The following RPS6KC1 variants were observed in gnomAD, a reference collection of about 807,000 sequenced individuals.
RPS6KC1 encodes inactive ribosomal protein S6 kinase delta-1.
RPS6KC1 carries 54 observed loss-of-function variants against 103.8 expected under a neutral mutation model. The ratio of observed to expected loss-of-function variants is 0.52; its 90% CI spans 0.42 to 0.65. The LOEUF (loss-of-function observed/expected upper bound fraction) is 0.65, where lower values mean the gene tolerates loss of function less well. RPS6KC1 is among the 30% of genes least tolerant of loss of function. The probability of loss-of-function intolerance (pLI) is 0.00; values close to 1 mark genes in which losing one functional copy is unlikely to be tolerated. For synonymous variants in RPS6KC1, 439 were observed against 438.7 expected, an observed-to-expected ratio of 1.00 and a Z score of -0.01; for missense variants, 1,151 against 1,253.8, an observed-to-expected ratio of 0.92 and a Z score of 1.24.
At chr1:213,516,512 G>C in the RPS6KC1 span, among the ~76,000 whole-genome samples, 1 of 152,188 alleles carries the variant, frequency 6.6e-6, no homozygotes, top group Admixed American at 6.5e-5. Flanking sequence ...CGTTGGTTCT[G>C]TTTATATGCT....
At chr1:213,657,546 C>T in the RPS6KC1 span, among the ~76,000 whole-genome samples, 4 of 151,930 alleles carry the variant, frequency 2.6e-5, no homozygotes, top group South Asian at 8.3e-4. Flanking sequence ...ACCAAAGAAA[C>T]TAAAGAAATA....
intron 7 of RPS6KC1, among the ~76,000 whole-genome samples, chr1:213,172,015 C>G (rs910444953): frequency 4.6e-5 from 7 of 152,150 alleles, no homozygotes; most frequent in African/African-American, 1.7e-4. Flanking sequence ...TGGTTACTCT[C>G]TCTCAGGTTA....
chr1:213,465,417 A>G, the RPS6KC1 span, among the ~76,000 whole-genome samples: 1 of 152,098 alleles, frequency 6.6e-6, no homozygotes, highest in Admixed American at 6.6e-5. Flanking sequence ...GGGCATACAC[A>G]TTTTCAGTTT....
At chr1:213,586,593 A>G in the RPS6KC1 span, among the ~76,000 whole-genome samples, 17 of 152,254 alleles carry the variant, frequency 1.1e-4, no homozygotes, top group Admixed American at 7.8e-4. Flanking sequence ...TAGCAAAGTG[A>G]AGAAAGAGAC....
chr1:213,406,422 C>T, the RPS6KC1 span, among the ~76,000 whole-genome samples: 1 of 151,580 alleles, frequency 6.6e-6, no homozygotes. Context: ...CTTTATAGAA[C>T]TGGGAGGATC....
At chr1:213,522,566 C>T in the RPS6KC1 span, among the ~76,000 whole-genome samples, 1 of 152,228 alleles carries the variant, frequency 6.6e-6, no homozygotes, top group Non-Finnish European at 1.5e-5. Context: ...CAATAGAAGG[C>T]TGTCTTATAT....
At chr1:213,550,305 C>T in the RPS6KC1 span, among the ~76,000 whole-genome samples, 5 of 152,298 alleles carry the variant, frequency 3.3e-5, no homozygotes, top group African/African-American at 1.2e-4. Context: ...ATTCTGAGAT[C>T]CTCTTTCCTC....
At chr1:213,360,745 G>A in the RPS6KC1 span, among the ~76,000 whole-genome samples, 9 of 152,280 alleles carry the variant, frequency 5.9e-5, no homozygotes, top group South Asian at 1.9e-3. Context: ...TGGTGTCGAT[G>A]TCCTTTCTGT....
the RPS6KC1 span, among the ~76,000 whole-genome samples, chr1:213,813,539 C>T: frequency 6.6e-6 from 1 of 152,122 alleles, no homozygotes; most frequent in African/African-American, 2.4e-5. Context: ...TAATGCAAGC[C>T]ACTCGTTTCA....
chr1:213,534,275 C>T, the RPS6KC1 span, among the ~76,000 whole-genome samples: 4,840 of 152,214 alleles, frequency 0.032, 243 homozygotes, highest in African/African-American at 0.11. Flanking sequence ...TTAAAAGATG[C>T]AAAATTTAAG....
chr1:213,749,465 G>A, the RPS6KC1 span, among the ~76,000 whole-genome samples: 1 of 152,144 alleles, frequency 6.6e-6, no homozygotes, highest in East Asian at 1.9e-4. Context: ...CAAAGACTGG[G>A]GCATACAACT....
the RPS6KC1 span, among the ~76,000 whole-genome samples, chr1:213,399,125 C>A: frequency 1.3e-5 from 2 of 152,352 alleles, no homozygotes; most frequent in South Asian, 4.1e-4. Flanking sequence ...CTTAATTCTT[C>A]ATTCATCCAA....
At chr1:213,573,995 C>G in the RPS6KC1 span, among the ~76,000 whole-genome samples, 1 of 152,186 alleles carries the variant, frequency 6.6e-6, no homozygotes, top group African/African-American at 2.4e-5. Context: ...GTGGCCAGTG[C>G]AAGCCCTGAC....
intron 8 of RPS6KC1, among the ~76,000 whole-genome samples, chr1:213,209,756 G>A (rs1390192252): frequency 1.3e-5 from 2 of 150,006 alleles, no homozygotes; most frequent in Non-Finnish European, 3.0e-5. Context: ...GGCAGAGTAG[G>A]AGCATGGGCT....
the RPS6KC1 span, among the ~76,000 whole-genome samples, chr1:213,585,993 T>TC: frequency 6.6e-6 from 1 of 151,974 alleles, no homozygotes; most frequent in Admixed American, 6.5e-5. Flanking sequence ...CCTATCCTGT[T>TC]CCCCCCAGAT....
chr1:213,479,531 A>G, the RPS6KC1 span, among the ~76,000 whole-genome samples: 1 of 151,946 alleles, frequency 6.6e-6, no homozygotes, highest in Non-Finnish European at 1.5e-5. Flanking sequence ...TCATTTGTTA[A>G]CTGCCTGTTT....
At chr1:213,642,811 CTT>C in the RPS6KC1 span, among the ~76,000 whole-genome samples, 1 of 151,790 alleles carries the variant, frequency 6.6e-6, no homozygotes, top group Non-Finnish European at 1.5e-5. Context: ...TTGTAATACT[CTT>C]AAGTTTATTT....
intron 3 of RPS6KC1, among the ~76,000 whole-genome samples, chr1:213,093,690 T>G (rs1379215877): frequency 6.6e-6 from 1 of 152,204 alleles, no homozygotes; most frequent in Non-Finnish European, 1.5e-5. Flanking sequence ...AACTATTTAC[T>G]GCCAGTGTGA....
the RPS6KC1 span, among the ~76,000 whole-genome samples, chr1:213,730,545 G>A: frequency 2.0e-5 from 3 of 152,190 alleles, no homozygotes; most frequent in Non-Finnish European, 2.9e-5. Flanking sequence ...TTCGTCACAT[G>A]ATTATTGGCT....
Sources: allele counts gnomAD v4.1 joint callset (sites outside exome capture counted in the v4.1 genomes callset), GRCh38; gene constraint gnomAD v4.1.1; transcripts MANE v1.5; gene names NCBI Gene and HGNC (gene_info 2026-07-23, HGNC 2026-07-21).